The following SNX8 variants were observed in gnomAD, a reference collection of about 807,000 sequenced individuals.
SNX8 encodes sorting nexin-8.
SNX8 carries 25 observed loss-of-function variants against 51.6 expected under a neutral mutation model. The observed-to-expected ratio is 0.48, with a 90% CI of 0.35 to 0.68. The LOEUF is 0.68. SNX8 is among the 30% of genes least tolerant of loss of function. The pLI, the probability that SNX8 is intolerant of heterozygous loss-of-function variation, is 0.00. For missense variants in SNX8, 695 were observed against 624.0 expected (o/e 1.11, Z -1.21); for synonymous variants, 324 against 277.0 (o/e 1.17, Z -1.68).
intron 1 of SNX8, among the ~76,000 whole-genome samples, chr7:2,321,242 T>C (rs1778504838): frequency 6.6e-6 from 1 of 151,926 alleles, no homozygotes; most frequent in African/African-American, 2.4e-5. Flanking sequence ...AATAATCAGC[T>C]CTAATCCAGA....
intron 1 of SNX8, among the ~76,000 whole-genome samples, chr7:2,325,705 C>T (rs1233286392): frequency 6.6e-6 from 1 of 152,014 alleles, no homozygotes; most frequent in Admixed American, 6.6e-5. Flanking sequence ...TGTTGGCAAG[C>T]GCCTGTAGTC....
At chr7:2,300,196 G>A (rs1796360823) in intron 1 of SNX8, among the ~76,000 whole-genome samples, 1 of 152,126 alleles carries the variant, frequency 6.6e-6, no homozygotes, top group Non-Finnish European at 1.5e-5. Context: ...GTGTCTTACA[G>A]ACCCCAAAAC....
At position 2,285,090 on chromosome 7, in the gene SNX8, T is replaced by C. The variant is rs1260876319; in HGVS notation, c.95-6785A>G. 2.0e-5 allele frequency among the ~76,000 whole-genome samples: 3 copies of C among 151,394 alleles called. No individual in the cohort carries two copies. The Admixed American group carries it at 2.0e-4, about 10-fold the overall frequency. Reference sequence around the variant, plus strand: ...AGCCGGGTGTGGTGGCGGACACCTGTAGTCCCAGCTACTCGGGAGTCTGAG... The same window carrying C: ...AGCCGGGTGTGGTGGCGGACACCTGCAGTCCCAGCTACTCGGGAGTCTGAG... On this transcript the variant is annotated intron_variant, in intron 1 of 10. Coordinates refer to ENST00000222990, the MANE Select transcript of SNX8 (RefSeq NM_013321.4).
intron 1 of SNX8, chr7:2,288,102 G>A (rs1048867549): frequency 3.3e-5 from 5 of 152,278 alleles, no homozygotes; most frequent in Non-Finnish European, 7.3e-5. Context: ...CAACACTGTG[G>A]GAGGCTGAGG....
chr7:2,328,966 G>C (rs1212960835), intron 1 of SNX8, among the ~76,000 whole-genome samples: 2 of 151,950 alleles, frequency 1.3e-5, no homozygotes, highest in African/African-American at 4.8e-5. Flanking sequence ...GGTGCCTGTA[G>C]TCCCAGCTAT....
chr7:2,280,088 C>G (rs1023763228), intron 1 of SNX8, among the ~76,000 whole-genome samples: 4 of 152,092 alleles, frequency 2.6e-5, no homozygotes, highest in Admixed American at 2.0e-4. Flanking sequence ...AGAAAAAACT[C>G]CAGGCCTGCT....
At chr7:2,340,427 TTTC>T (rs1191301237) in intron 1 of SNX8, among the ~76,000 whole-genome samples, 5 of 151,972 alleles carry the variant, frequency 3.3e-5, no homozygotes, top group Admixed American at 6.6e-5. Flanking sequence ...GGGTTTTTTT[TTTC>T]TTTTCTTGCT....
chr7:2,293,920 C>T (rs563985116), intron 1 of SNX8, among the ~76,000 whole-genome samples: 1 of 150,436 alleles, frequency 6.6e-6, no homozygotes, highest in East Asian at 2.0e-4. Flanking sequence ...GAGCCGAGAT[C>T]ACACCAGTGC....
chr7:2,289,846 A>G (rs1796112498), intron 1 of SNX8, among the ~76,000 whole-genome samples: 1 of 152,152 alleles, frequency 6.6e-6, no homozygotes, highest in African/African-American at 2.4e-5. Flanking sequence ...ACAGTGAGCC[A>G]TGATCGAGCC....
At chr7:2,319,368 T>C (rs558386332), upstream of SNX8, among the ~76,000 whole-genome samples, 2 of 146,324 alleles carry the variant, frequency 1.4e-5, no homozygotes, top group African/African-American at 5.1e-5. Flanking sequence ...AATAAAAAAC[T>C]GTAAATTGTG....
At chr7:2,327,201 T>A (rs1331108458) in intron 1 of SNX8, among the ~76,000 whole-genome samples, 2 of 152,068 alleles carry the variant, frequency 1.3e-5, no homozygotes, top group African/African-American at 2.4e-5. Context: ...TGCCTTCTCC[T>A]TGTATGTCTG....
At chr7:2,276,603 G>A (rs1431551370) in intron 2 of SNX8, among the ~76,000 whole-genome samples, 1 of 145,698 alleles carries the variant, frequency 6.9e-6, no homozygotes, top group Non-Finnish European at 1.5e-5. Flanking sequence ...AGGAGTTCGA[G>A]ACCAGCTGAG....
At chr7:2,345,201 T>C (rs1778997689) in intron 1 of SNX8, among the ~76,000 whole-genome samples, 1 of 152,190 alleles carries the variant, frequency 6.6e-6, no homozygotes, top group Admixed American at 6.6e-5. Flanking sequence ...AACCTACTTT[T>C]ATACGAATGT....
intron 6 of SNX8, 112 bp from the exon 7 acceptor site, chr7:2,263,474 G>A (rs2286207): frequency 0.39 from 411,505 of 1,067,018 alleles, 81,850 homozygotes; most frequent in East Asian, 0.56. Context: ...GCGTGACCCC[G>A]TCCTAGGACC....
intron 7 of SNX8, among the ~76,000 whole-genome samples, chr7:2,260,715 G>T (rs567408962): frequency 5.3e-5 from 8 of 152,274 alleles, no homozygotes; most frequent in African/African-American, 1.7e-4. Context: ...CAAATGAAAG[G>T]CCTCGAGGTT....
Position 2,278,377 on chromosome 7 carries a change from C to T in SNX8, c.95-72G>A, listed in dbSNP as rs919542325. The T allele has an allele frequency of 1.3e-5, 13 of 966,404 alleles. No individual in the cohort carries two copies. In the African/African-American group the frequency reaches 1.5e-4, roughly 11 times the overall value. The allele number at this position is 966,404 out of a possible 1,614,324, so 59.9% of individuals were successfully genotyped here. ...CTGGAGCCTTGGCTGGGCACAGTGG[C>T]GCAGCCCTGTAATCCCAGCACTTTG... On this transcript the variant is annotated intron_variant, in intron 1 of 10. Transcript: ENST00000222990.
At chr7:2,323,362 C>CA (rs1446297064) in intron 1 of SNX8, among the ~76,000 whole-genome samples, 1 of 136,256 alleles carries the variant, frequency 7.3e-6, no homozygotes, top group Non-Finnish European at 1.6e-5. Context: ...ACCAAACAAA[C>CA]AAAAAAACTA....
At chr7:2,303,090 C>A (rs1223881362) in intron 1 of SNX8, among the ~76,000 whole-genome samples, 34 of 149,218 alleles carry the variant, frequency 2.3e-4, no homozygotes, top group African/African-American at 7.6e-4. Flanking sequence ...CCAGCCGCCC[C>A]GTCCGGGAGG....
At chr7:2,268,878 C>T (rs1404883087) in intron 5 of SNX8, among the ~76,000 whole-genome samples, 3 of 32,882 alleles carry the variant, frequency 9.1e-5, no homozygotes, top group Non-Finnish European at 2.0e-4. Context: ...CCCGCCCGGC[C>T]AGCCGCCCCG....
Sources: gnomAD v4.1 joint callset for allele counts (sites outside exome capture counted in the v4.1 genomes callset) on GRCh38, gnomAD v4.1.1 for gene constraint, MANE v1.5 for transcripts, NCBI Gene and HGNC (gene_info 2026-07-23, HGNC 2026-07-21) for gene names.